FYN: variants seen among roughly 807,000 people sequenced by gnomAD.
FYN encodes the protein tyrosine-protein kinase Fyn.
In FYN, 10 loss-of-function variants were observed where a neutral mutation model predicts 70.2. The observed-to-expected ratio is 0.14, with a 90% CI of 0.09 to 0.24. The LOEUF (loss-of-function observed/expected upper bound fraction) is 0.24. FYN is among the 10% of genes least tolerant of loss of function. The probability of loss-of-function intolerance (pLI) is 1.00; values close to 1 mark genes in which losing one functional copy is unlikely to be tolerated. For missense variants in FYN, 319 were observed against 673.1 expected (o/e 0.47, Z 5.82); for synonymous variants, 236 against 248.6 (o/e 0.95, Z 0.48).
At chr6:111,788,083 C>T (rs1368089981) in intron 2 of FYN, among the ~76,000 whole-genome samples, 1 of 152,154 alleles carries the variant, frequency 6.6e-6, no homozygotes, top group East Asian at 1.9e-4. Flanking sequence ...TGCAAGAATA[C>T]AGAACCAACC....
intron 2 of FYN, among the ~76,000 whole-genome samples, chr6:111,817,657 T>C (rs1772532025): frequency 1.3e-5 from 2 of 152,188 alleles, no homozygotes; most frequent in African/African-American, 4.8e-5. Context: ...AGTGCATTCA[T>C]CATCAATGGA....
chr6:111,699,336 G>C (rs1040781016), intron 9 of FYN, among the ~76,000 whole-genome samples: 1 of 152,014 alleles, frequency 6.6e-6, no homozygotes, highest in Non-Finnish European at 1.5e-5. Flanking sequence ...ACCACATGAA[G>C]TAGGACAGAT....
chr6:111,788,194 T>A (rs1771472250), intron 2 of FYN, among the ~76,000 whole-genome samples: 1 of 152,156 alleles, frequency 6.6e-6, no homozygotes, highest in African/African-American at 2.4e-5. Context: ...ACTGTACAAC[T>A]TTTCACGCTA....
chr6:111,717,184 CTTG>C (rs1049417502), intron 4 of FYN, among the ~76,000 whole-genome samples: 3 of 151,846 alleles, frequency 2.0e-5, no homozygotes, highest in African/African-American at 4.8e-5. Context: ...TTTCCTAGGA[CTTG>C]TTGTTAAACG....
At chr6:111,872,876 C>A (rs909741203) in intron 1 of FYN, 92 bp downstream of exon 1, 8 of 150,930 alleles carry the variant, frequency 5.3e-5, no homozygotes, top group South Asian at 2.1e-4. Flanking sequence ...CCGGGCCCTG[C>A]GGCGGGGGCG....
At position 111,864,163 on chromosome 6, in the gene FYN, C is replaced by T. The variant is rs965963254; in HGVS notation, c.-123+8805G>A. 3.3e-5 allele frequency among the ~76,000 whole-genome samples: 5 copies of T among 152,142 alleles called. No individual in the cohort carries two copies. In the East Asian group the frequency reaches 7.7e-4, roughly 23 times the overall value. ...TGGGGTGGACAGGAGAACAAAAGGGCTGATGTTTACTGTGCAGAGTCTGTG... is the reference window on the plus strand; with the variant it reads ...TGGGGTGGACAGGAGAACAAAAGGGTTGATGTTTACTGTGCAGAGTCTGTG... On this transcript the variant is annotated intron_variant, in intron 1 of 13. Coordinates refer to ENST00000354650, the MANE Select transcript of FYN (RefSeq NM_002037.5).
intron 12 of FYN, among the ~76,000 whole-genome samples, chr6:111,683,831 A>C (rs1001688028): frequency 1.3e-5 from 2 of 152,202 alleles, no homozygotes; most frequent in African/African-American, 4.8e-5. Context: ...AAGAAGCAAA[A>C]TCAAAGCTGA....
At chr6:111,760,105 T>C (rs1802937580) in intron 3 of FYN, among the ~76,000 whole-genome samples, 1 of 151,982 alleles carries the variant, frequency 6.6e-6, no homozygotes, top group Admixed American at 6.6e-5. Flanking sequence ...ACGATATGCG[T>C]CACCCATACC....
rs192268221 is a variant in FYN, at chr6:111,736,821, C to T, written c.-11-16759G>A. On this transcript the variant is annotated intron_variant, in intron 3 of 13. Coordinates refer to ENST00000354650, the MANE Select transcript of FYN (RefSeq NM_002037.5). ...AGTCCCTTCATCATTTTCTAGCCAT[C>T]TTGCTTCTCTCTTAAGACTTGTATT... Among the ~76,000 whole-genome samples the T allele has an allele frequency of 2.5e-3, 375 of 152,306 alleles. 2 individuals are homozygous for T. Among genetic ancestry groups the T allele is most frequent in the Middle Eastern group, 6.8e-3 (2 of 294 alleles).
At chr6:111,719,543 T>G (rs1800834557) in intron 4 of FYN, 2 of 359,652 alleles carry the variant, frequency 5.6e-6, no homozygotes, top group Admixed American at 4.1e-5. Flanking sequence ...AGTGCCTCAG[T>G]AGAATGTTGT....
rs762073611 is a variant in FYN, at chr6:111,704,098, A to T, written c.448T>A (p.Tyr150Asn). 1 of 1,613,450 alleles carries T rather than the reference A, an allele frequency of 6.2e-7. No homozygotes were observed. Residue 150 changes from tyrosine (Y) to asparagine (N), a missense_variant, in exon 7 of 14, where the codon TAC (tyrosine) becomes AAC (asparagine). Physicochemically the swap from Tyr to Asn is moderately radical, Grantham distance 143. Transcript: ENST00000354650. ...TCTTTTCGGCCAAGTTTTCCAAAGT[A>T]CCACCTTTAAATTAGATCAAGGAAA... is the stretch of plus-strand genomic sequence containing the variant. ...PVDSIQAEEW[Y>N]FGKLGRKDAE...
chr6:111,710,331 C>A (rs1222649955), intron 5 of FYN, among the ~76,000 whole-genome samples: 1 of 152,240 alleles, frequency 6.6e-6, no homozygotes, highest in East Asian at 1.9e-4. Flanking sequence ...CAGGTTGGGA[C>A]AAGCCCAGCC....
At chr6:111,742,032 C>T (rs573275149) in intron 3 of FYN, among the ~76,000 whole-genome samples, 12 of 152,254 alleles carry the variant, frequency 7.9e-5, no homozygotes, top group African/African-American at 2.9e-4. Context: ...CTAAGGAAAA[C>T]CCTAGCTTTC....
intron 13 of FYN, among the ~76,000 whole-genome samples, chr6:111,665,287 C>T (rs191812680): frequency 7.6e-4 from 116 of 151,954 alleles, no homozygotes; most frequent in African/African-American, 2.7e-3. Context: ...GGATACTTAA[C>T]CTGTATTTAA....
intron 3 of FYN, among the ~76,000 whole-genome samples, chr6:111,743,332 T>C (rs1156260011): frequency 6.6e-6 from 1 of 152,230 alleles, no homozygotes; most frequent in Non-Finnish European, 1.5e-5. Flanking sequence ...TGTGGCTTCC[T>C]CTATCTGTAT....
At position 111,746,199 on chromosome 6, in the gene FYN, G is replaced by A. The variant is rs144156951; in HGVS notation, c.-11-26137C>T. On this transcript the variant is annotated intron_variant, in intron 3 of 13. Coordinates refer to ENST00000354650, the MANE Select transcript of FYN (RefSeq NM_002037.5). ...AGTTTAGGCATAATTTATCCACAGTGCAATGTATAAACAGATTTAAGTTTA... is the reference window on the plus strand; with the variant it reads ...AGTTTAGGCATAATTTATCCACAGTACAATGTATAAACAGATTTAAGTTTA... Among the ~76,000 whole-genome samples, 47 of 152,244 alleles carry A rather than the reference G, an allele frequency of 3.1e-4. 1 individual carries two copies. The highest frequency in any genetic ancestry group is 2.2e-3 in the Admixed American group (34 of 15,300).
At chr6:111,831,299 T>G (rs189705650) in intron 2 of FYN, among the ~76,000 whole-genome samples, 1 of 152,328 alleles carries the variant, frequency 6.6e-6, no homozygotes, top group East Asian at 1.9e-4. Context: ...CTGTTACTAT[T>G]CTATCATCTT....
chr6:111,757,839 C>A (rs898323677), intron 3 of FYN, among the ~76,000 whole-genome samples: 1 of 152,158 alleles, frequency 6.6e-6, no homozygotes, highest in African/African-American at 2.4e-5. Context: ...TACTGTATAT[C>A]CAGGTATGTC....
In FYN at chr6:111,701,894, A is replaced by C. The variant is rs575727858; in HGVS notation, c.697+991T>G. Among the ~76,000 whole-genome samples the C allele has an allele frequency of 8.0e-4, 122 of 152,216 alleles. 1 individual carries two copies. Among genetic ancestry groups the C allele is most frequent in the Non-Finnish European group, 1.2e-3 (82 of 68,030 alleles). ...AATATTTTCTATTGTTCATTAGTGC[A>C]AGGGATCAACAGACATTTCTTATTG... On this transcript the variant is annotated intron_variant, in intron 8 of 13. Transcript: ENST00000354650.
Sources: gnomAD v4.1 joint callset for allele counts (sites outside exome capture counted in the v4.1 genomes callset) on GRCh38, gnomAD v4.1.1 for gene constraint, MANE v1.5 for transcripts, NCBI Gene and HGNC (gene_info 2026-07-23, HGNC 2026-07-21) for gene names.